Variants in USP50 observed in about 807,000 individuals in gnomAD.
The protein encoded by USP50 is ubiquitin carboxyl-terminal hydrolase 50.
USP50 carries 37 observed loss-of-function variants against 39.2 expected under a neutral mutation model. The observed-to-expected ratio is 0.94, with a 90% CI of 0.73 to 1.24. The LOEUF is 1.24. USP50 is among the 50% of genes most tolerant of loss of function. USP50 has a pLI of 0.00. For missense variants in USP50, 374 were observed against 398.2 expected (o/e 0.94, Z 0.52); for synonymous variants, 139 against 144.5 (o/e 0.96, Z 0.27).
In USP50 at chr15:50,544,596, G is replaced by A. The variant is rs968112300; in HGVS notation, c.239C>T (p.Ala80Val). 2 of 1,613,046 alleles carry A rather than the reference G, an allele frequency of 1.2e-6. No homozygotes were observed. The highest frequency in any genetic ancestry group is 1.7e-5 in the Admixed American group (1 of 59,864). ...ATGCAAATGGTCTTACTTTTGCAGA[G>A]CGGTGATATACTTCCCGGTGAGAAA... is the stretch of plus-strand genomic sequence containing the variant. ...EYFLTGKYIT[A>V]LQNDCSEVAT... is the part of the protein sequence containing the mutation. The change falls in exon 2 of 7, where the codon GCT becomes GTT. Residue 80 changes from alanine to valine, a missense_variant. Ala to Val is a moderately conservative substitution (Grantham distance 64, BLOSUM62 0). Transcript: ENST00000532404.
At chr15:50,495,101 A>G in intron 1 of USP50, among the ~76,000 whole-genome samples, 1 of 151,848 alleles carries the variant, frequency 6.6e-6, no homozygotes, top group East Asian at 1.9e-4. Context: ...GTATACATAA[A>G]TGACCACCCT....
downstream of USP50, chr15:50,499,270 C>A (rs1001445631): frequency 2.2e-6 from 1 of 461,362 alleles, no homozygotes; most frequent in South Asian, 9.4e-5. Context: ...ACAAGTATTG[C>A]AGTAATCATC....
At position 50,546,537 on chromosome 15, in the gene USP50, C is replaced by T. The variant is rs767962082; in HGVS notation, c.-12G>A. On this transcript the variant is annotated 5_prime_UTR_variant, in exon 1 of 7. Coordinates refer to ENST00000532404, the MANE Select transcript of USP50 (RefSeq NM_203494.5). ...GGCTGAGAAGTCATTTTAATGGAAC[C>T]ACGTTGGACTTTTGCTTCTATTCAG... is the stretch of plus-strand genomic sequence containing the variant. 2.5e-6 allele frequency: 4 copies of T among 1,613,436 alleles called. No individual in the cohort carries two copies. In the South Asian group the frequency reaches 4.4e-5, roughly 18 times the overall value.
At chr15:50,515,140 C>T (rs2052791221) in intron 6 of USP50, among the ~76,000 whole-genome samples, 1 of 151,214 alleles carries the variant, frequency 6.6e-6, no homozygotes, top group African/African-American at 2.4e-5. Flanking sequence ...GATGGTTTTC[C>T]TGTTCAATTC....
chr15:50,525,572 G>GTATATGTA (rs1425659392), intron 6 of USP50, among the ~76,000 whole-genome samples: 1 of 64,720 alleles, frequency 1.5e-5, no homozygotes, highest in Non-Finnish European at 3.5e-5. Flanking sequence ...ATGTATATAT[G>GTATATGTA]TATATGTATA....
chr15:50,531,896 C>T, intron 5 of USP50: 1 of 255,642 alleles, frequency 3.9e-6, no homozygotes, highest in Middle Eastern at 1.6e-3. Flanking sequence ...AAGAATTAAC[C>T]GAAAGGAAAA....
intron 5 of USP50, among the ~76,000 whole-genome samples, chr15:50,538,273 C>CAAAAAAAAAA (rs766139797): frequency 5.8e-4 from 10 of 17,266 alleles, no homozygotes; most frequent in East Asian, 2.2e-3. Context: ...GAGACTGTCT[C>CAAAAAAAAAA]AAAAAAAAAA....
At chr15:50,511,727 T>C (rs1293332252) in intron 6 of USP50, 2 of 152,302 alleles carry the variant, frequency 1.3e-5, no homozygotes, top group African/African-American at 2.4e-5. Flanking sequence ...CCAGGCACTG[T>C]GGCTCACGCC....
chr15:50,506,496 T>C (rs1005297251), intron 6 of USP50: 5 of 151,732 alleles, frequency 3.3e-5, no homozygotes, highest in East Asian at 1.9e-4. Flanking sequence ...AGTGGAAAAA[T>C]TGTCTTCCAC....
intron 5 of USP50, among the ~76,000 whole-genome samples, chr15:50,536,433 G>C (rs2052980808): frequency 6.6e-6 from 1 of 152,100 alleles, no homozygotes; most frequent in South Asian, 2.1e-4. Context: ...CTGAGGTCAG[G>C]AGTTCAAGAC....
At chr15:50,524,509 C>T (rs2052873122) in intron 6 of USP50, among the ~76,000 whole-genome samples, 1 of 152,074 alleles carries the variant, frequency 6.6e-6, no homozygotes, top group African/African-American at 2.4e-5. Context: ...GGGTTCATGA[C>T]AAAAATGTTC....
downstream of USP50, among the ~76,000 whole-genome samples, chr15:50,496,666 T>A (rs1034783946): frequency 6.6e-6 from 1 of 152,200 alleles, no homozygotes; most frequent in Admixed American, 6.5e-5. Flanking sequence ...ATTTGGAAAG[T>A]TGTCTGTTGA....
chr15:50,533,058 C>T (rs563165744), intron 5 of USP50, among the ~76,000 whole-genome samples: 5 of 151,814 alleles, frequency 3.3e-5, no homozygotes, highest in Non-Finnish European at 7.4e-5. Flanking sequence ...TGTATCCCAG[C>T]GCTTTGGGAG....
downstream of USP50, among the ~76,000 whole-genome samples, chr15:50,496,480 T>TAA (rs35899607): frequency 0.059 from 6,867 of 116,358 alleles, 322 homozygotes; most frequent in African/African-American, 0.14. Flanking sequence ...GACTCCGTCT[T>TAA]AAAAAAAAAA....
chr15:50,543,888 C>T lies in USP50; in HGVS notation c.249-95G>A, dbSNP rs544516274. 4.6e-4 allele frequency: 573 copies of T among 1,252,754 alleles called. 1 individual carries two copies. In the African/African-American group the frequency reaches 6.4e-3, roughly 14 times the overall value. 77.6% of individuals were successfully genotyped at this position (1,252,754 alleles called of 1,614,324 possible). A position where few individuals can be genotyped will look rare whatever the true frequency, so the allele number is the denominator to read the frequency against. ...GGAAATTAGTCTCAAAATGGAAGAA[C>T]GTGGTGTCTCATGCCTGTAACCCCA... On this transcript the variant is annotated intron_variant, in intron 2 of 6. Coordinates refer to ENST00000532404, the MANE Select transcript of USP50 (RefSeq NM_203494.5).
chr15:50,517,747 G>T (rs1362571948), intron 6 of USP50, among the ~76,000 whole-genome samples: 1 of 152,132 alleles, frequency 6.6e-6, no homozygotes, highest in African/African-American at 2.4e-5. Flanking sequence ...TTGAGACCTG[G>T]TCTCACTGTC....
chr15:50,498,368 G>A, downstream of USP50: 1 of 445,204 alleles, frequency 2.2e-6, no homozygotes, highest in South Asian at 4.5e-5. Flanking sequence ...TACCATTCTG[G>A]CTGTTTGACC....
chr15:50,510,968 C>A (rs1220491966), intron 6 of USP50: 3 of 152,034 alleles, frequency 2.0e-5, no homozygotes, highest in Non-Finnish European at 4.4e-5. Context: ...TTAGTAGAGA[C>A]GGGGTTTCAC....
intron 3 of USP50, 108 bp downstream of exon 3, chr15:50,543,490 C>G (rs2053045739): frequency 7.1e-6 from 8 of 1,130,554 alleles, no homozygotes; most frequent in Non-Finnish European, 1.0e-5. Context: ...TAGCACAGTG[C>G]TTGGCACAAA....
Sources: gnomAD v4.1 joint callset for allele counts (sites outside exome capture counted in the v4.1 genomes callset) on GRCh38, gnomAD v4.1.1 for gene constraint, MANE v1.5 for transcripts, NCBI Gene and HGNC (gene_info 2026-07-23, HGNC 2026-07-21) for gene names.